The following UBE2R2 variants were observed in gnomAD, a reference collection of about 807,000 sequenced individuals.
UBE2R2 encodes ubiquitin conjugating enzyme E2 R2.
In UBE2R2, 1 loss-of-function variant was observed where a neutral mutation model predicts 27.8. That is an observed-to-expected ratio of 0.04 (90% CI 0.01 to 0.17). The LOEUF (loss-of-function observed/expected upper bound fraction) is 0.17. Among genes scored for constraint, UBE2R2 ranks in the 10% least tolerant of loss-of-function variants. UBE2R2 has a pLI of 1.00. For missense variants in UBE2R2, 100 were observed against 291.0 expected, an observed-to-expected ratio of 0.34 and a Z score of 4.78; for synonymous variants, 106 against 113.3, an observed-to-expected ratio of 0.94 and a Z score of 0.41.
intron 1 of UBE2R2, among the ~76,000 whole-genome samples, chr9:33,885,367 T>G (rs1369465893): frequency 6.6e-6 from 1 of 152,248 alleles, no homozygotes; most frequent in Non-Finnish European, 1.5e-5. Context: ...GTTTTGTATT[T>G]TCCACTGCCT....
At chr9:33,869,146 C>G (rs1351534663) in intron 1 of UBE2R2, among the ~76,000 whole-genome samples, 1 of 151,882 alleles carries the variant, frequency 6.6e-6, no homozygotes, top group Non-Finnish European at 1.5e-5. Context: ...GTGCAGGCCT[C>G]TAGTCCTAGC....
chr9:33,900,342 A>T (rs932058787), intron 3 of UBE2R2, 71 bp downstream of exon 3: 52 of 1,120,482 alleles, frequency 4.6e-5, no homozygotes, highest in Non-Finnish European at 6.8e-5. Context: ...AAATAAAATT[A>T]TGTATTGTCT....
intron 1 of UBE2R2, among the ~76,000 whole-genome samples, chr9:33,845,053 GCCA>G (rs1820811890): frequency 6.6e-6 from 1 of 152,112 alleles, no homozygotes; most frequent in Non-Finnish European, 1.5e-5. Context: ...ATAGGTGTGA[GCCA>G]CCAAGCCCTG....
At position 33,833,300 on chromosome 9, in the gene UBE2R2, C is replaced by T. The variant is rs185319406; in HGVS notation, c.177+15366C>T. Reference sequence around the variant, plus strand: ...CAGGATGGTCTTGATCTCCTGACCTCGTGATCCGCCTGCCTTGGCCTCCCA... The same window carrying T: ...CAGGATGGTCTTGATCTCCTGACCTTGTGATCCGCCTGCCTTGGCCTCCCA... On this transcript the variant is annotated intron_variant, in intron 1 of 4. Coordinates refer to ENST00000263228, the MANE Select transcript of UBE2R2 (RefSeq NM_017811.4). Among the ~76,000 whole-genome samples, 460 of 152,224 alleles carry T rather than the reference C, an allele frequency of 3.0e-3. 3 individuals are homozygous for T. Among genetic ancestry groups the T allele is most frequent in the Non-Finnish European group, 1.5e-3 (100 of 68,010 alleles).
At chr9:33,900,947 TTCTG>T (rs374164829) in intron 3 of UBE2R2, among the ~76,000 whole-genome samples, 16 of 152,020 alleles carry the variant, frequency 1.1e-4, no homozygotes, top group African/African-American at 3.9e-4. Flanking sequence ...CTCTCTCTGT[TTCTG>T]TCTGTGTCTC....
chr9:33,858,090 C>A (rs1440100208), intron 1 of UBE2R2, among the ~76,000 whole-genome samples: 1 of 152,178 alleles, frequency 6.6e-6, no homozygotes, highest in East Asian at 1.9e-4. Context: ...AATTTACCCA[C>A]TCCTGAAGGT....
chr9:33,864,227 CT>C (rs1391805756), intron 1 of UBE2R2, among the ~76,000 whole-genome samples: 1 of 152,144 alleles, frequency 6.6e-6, no homozygotes, highest in Admixed American at 6.6e-5. Context: ...GGAAAAACTT[CT>C]TAGCACTAGA....
Position 33,859,820 on chromosome 9 carries a change from G to GAC in UBE2R2, c.178-27060_178-27059insCA, listed in dbSNP as rs1269571926. ...TGTGTGAGAGAGAGAGAGAGAGAGA[G>GAC]AGACAGGATCTCTCTCTATGACCAG... On this transcript the variant is annotated intron_variant, in intron 1 of 4. Coordinates refer to ENST00000263228, the MANE Select transcript of UBE2R2 (RefSeq NM_017811.4). 2.0e-5 allele frequency among the ~76,000 whole-genome samples: 3 copies of GAC among 149,666 alleles called. No homozygotes were observed. In the East Asian group the frequency reaches 5.9e-4, roughly 29 times the overall value.
At position 33,817,366 on chromosome 9, in the gene UBE2R2, GCCGGC is replaced by G. The variant is rs898552864; in HGVS notation, c.-384_-380del. On this transcript the variant is annotated 5_prime_UTR_variant, in exon 1 of 5. Coordinates refer to ENST00000263228, the MANE Select transcript of UBE2R2 (RefSeq NM_017811.4). The stretch of plus-strand genomic sequence containing the variant: ...GGGCGAGCGAGCGCGGCGTTCCCGG[GCCGGC>G]CCGGCCCCCTCCCTTCACCATCGCC... Among the ~76,000 whole-genome samples the G allele has an allele frequency of 2.1e-4, 31 of 148,990 alleles. No individual in the cohort carries two copies. The highest frequency in any genetic ancestry group is 3.5e-3 in the Middle Eastern group (1 of 282).
intron 2 of UBE2R2, 34 bp downstream of exon 2, chr9:33,887,001 ATT>A (rs748845797): frequency 1.4e-5 from 19 of 1,350,494 alleles, no homozygotes; most frequent in Admixed American, 4.7e-5. Flanking sequence ...TTCTCTGAAG[ATT>A]TTTTTTTTTA....
At chr9:33,823,835 G>GT (rs1234491790) in intron 1 of UBE2R2, among the ~76,000 whole-genome samples, 9 of 152,128 alleles carry the variant, frequency 5.9e-5, no homozygotes, top group African/African-American at 1.7e-4. Flanking sequence ...CTCTTGTAAG[G>GT]TATTTGGATA....
At chr9:33,850,975 A>G (rs1009514623) in intron 1 of UBE2R2, among the ~76,000 whole-genome samples, 9 of 152,238 alleles carry the variant, frequency 5.9e-5, no homozygotes, top group Non-Finnish European at 1.5e-5. Flanking sequence ...TCTAGAGTTC[A>G]GTTCATAATC....
chr9:33,882,590 A>G (rs994133192), intron 1 of UBE2R2, among the ~76,000 whole-genome samples: 3 of 152,118 alleles, frequency 2.0e-5, no homozygotes, highest in African/African-American at 4.8e-5. Flanking sequence ...CCAAATAATG[A>G]TATTTTAGAA....
chr9:33,897,775 CTTTTTTTTTTT>C (rs35277355), intron 2 of UBE2R2, among the ~76,000 whole-genome samples: 1 of 127,978 alleles, frequency 7.8e-6, no homozygotes, highest in Admixed American at 8.2e-5. Flanking sequence ...TTTCTTTTTT[CTTTTTTTTTTT>C]TTTTTTGAGA....
intron 1 of UBE2R2, among the ~76,000 whole-genome samples, chr9:33,854,522 A>G (rs896137385): frequency 2.0e-5 from 3 of 151,598 alleles, no homozygotes; most frequent in Non-Finnish European, 1.5e-5. Flanking sequence ...GGGTTTTACC[A>G]TGTTGGCCAG....
At chr9:33,862,804 TTAACATATAAACAGTA>T (rs1694093711) in intron 1 of UBE2R2, among the ~76,000 whole-genome samples, 1 of 152,218 alleles carries the variant, frequency 6.6e-6, no homozygotes, top group Admixed American at 6.5e-5. Context: ...GGTTTTGCCT[TTAACATATAAACAGTA>T]TGTTTTGTTA....
chr9:33,892,318 C>A (rs1440717728), intron 2 of UBE2R2, among the ~76,000 whole-genome samples: 1 of 152,192 alleles, frequency 6.6e-6, no homozygotes, highest in Non-Finnish European at 1.5e-5. Context: ...TCATATAACA[C>A]TTTCTTTACT....
At chr9:33,879,964 C>G (rs140937901) in intron 1 of UBE2R2, among the ~76,000 whole-genome samples, 2 of 151,624 alleles carry the variant, frequency 1.3e-5, no homozygotes, top group East Asian at 3.9e-4. Context: ...TTCACTGCAG[C>G]CTCAACCTCC....
In UBE2R2 at chr9:33,852,989, C is replaced by A. The variant is rs542309234; in HGVS notation, c.178-33892C>A. ...CACTGCTGCACTCCAGCCTAGGCAACAGAGCAAGACTCTGTCTCAAATAAA... is the reference window on the plus strand; with the variant it reads ...CACTGCTGCACTCCAGCCTAGGCAAAAGAGCAAGACTCTGTCTCAAATAAA... On this transcript the variant is annotated intron_variant, in intron 1 of 4. Coordinates refer to ENST00000263228, the MANE Select transcript of UBE2R2 (RefSeq NM_017811.4). Among the ~76,000 whole-genome samples the A allele has an allele frequency of 1.2e-4, 18 of 151,924 alleles. No homozygotes were observed. The South Asian group carries it at 3.5e-3, about 30-fold the overall frequency.
Sources: gnomAD v4.1 joint callset for allele counts (sites outside exome capture counted in the v4.1 genomes callset) on GRCh38, gnomAD v4.1.1 for gene constraint, MANE v1.5 for transcripts, NCBI Gene and HGNC (gene_info 2026-07-23, HGNC 2026-07-21) for gene names.